Variants in RUVBL1 observed in about 807,000 individuals in gnomAD.
RUVBL1 encodes ruvB-like 1.
RUVBL1 carries 4 observed loss-of-function variants against 52.4 expected under a neutral mutation model. The observed-to-expected ratio is 0.08, with a 90% confidence interval of 0.04 to 0.17. RUVBL1 has a LOEUF of 0.17. RUVBL1 is among the 10% of genes least tolerant of loss of function. The pLI is 1.00. For missense variants in RUVBL1, 298 were observed against 572.8 expected (o/e 0.52, Z 4.90); for synonymous variants, 217 against 214.4 (o/e 1.01, Z -0.10).
chr3:128,150,922 A>G (rs1944191328), intron 1 of RUVBL1, among the ~76,000 whole-genome samples: 1 of 92,070 alleles, frequency 1.1e-5, no homozygotes, highest in African/African-American at 4.5e-5. Context: ...TCTATATTAT[A>G]TATATAATAT....
chr3:128,138,388 A>C (rs1943976239), intron 1 of RUVBL1, among the ~76,000 whole-genome samples: 1 of 152,192 alleles, frequency 6.6e-6, no homozygotes, highest in Admixed American at 6.5e-5. Context: ...GTCAACATGC[A>C]AAAATCAGTA....
intron 8 of RUVBL1, among the ~76,000 whole-genome samples, chr3:128,096,897 T>C (rs151166402): frequency 2.9e-4 from 44 of 152,216 alleles, no homozygotes; most frequent in African/African-American, 1.0e-3. Flanking sequence ...GTCTTTACGA[T>C]GAGGGACAAG....
intron 3 of RUVBL1, among the ~76,000 whole-genome samples, chr3:128,105,872 T>C (rs1199365067): frequency 2.4e-4 from 34 of 140,054 alleles, no homozygotes; most frequent in South Asian, 1.2e-3. Context: ...TTTCTTTTTT[T>C]TTTTTTTTTT....
chr3:128,150,952 T>TAATATATTC, intron 1 of RUVBL1, among the ~76,000 whole-genome samples: 1 of 92,170 alleles, frequency 1.1e-5, no homozygotes, highest in Non-Finnish European at 1.9e-5. Context: ...ATTATATATA[T>TAATATATTC]TATATATTCT....
At chr3:128,086,777 G>T (rs1436178402) in intron 9 of RUVBL1, among the ~76,000 whole-genome samples, 1 of 152,238 alleles carries the variant, frequency 6.6e-6, no homozygotes, top group African/African-American at 2.4e-5. Context: ...TCCTATGCTT[G>T]GCACATAGTT....
At chr3:128,068,022 G>A in intron 9 of RUVBL1, 1 of 1,613,848 alleles carries the variant, frequency 6.2e-7, no homozygotes, top group Non-Finnish European at 8.5e-7. Context: ...GGTGATGAGA[G>A]GCCACCGAGA....
At chr3:128,070,273 C>CTGTGGATTTGT in intron 9 of RUVBL1, 1 of 152,396 alleles carries the variant, frequency 6.6e-6, no homozygotes, top group Non-Finnish European at 1.5e-5. Flanking sequence ...AGAAGACACT[C>CTGTGGATTTGT]CTGGCCATCT....
chr3:128,085,419 A>T (rs1942615893), intron 9 of RUVBL1, among the ~76,000 whole-genome samples: 2 of 152,200 alleles, frequency 1.3e-5, no homozygotes, highest in African/African-American at 4.8e-5. Context: ...GTCCCGCAGT[A>T]AGAATGGGCC....
upstream of RUVBL1, among the ~76,000 whole-genome samples, chr3:128,125,472 C>G (rs996311827): frequency 2.6e-5 from 4 of 152,028 alleles, no homozygotes; most frequent in African/African-American, 9.7e-5. Context: ...GGGTGTAGAC[C>G]ACATTTGATT....
chr3:128,136,623 C>CAA (rs56097921), intron 1 of RUVBL1, among the ~76,000 whole-genome samples: 2,981 of 111,776 alleles, frequency 0.027, 112 homozygotes, highest in African/African-American at 0.072. Context: ...GAGACCCTGT[C>CAA]AAAAAAAAAA....
exon 1 of RUVBL1, chr3:128,153,404 A>G: frequency 4.2e-6 from 6 of 1,415,466 alleles, no homozygotes; most frequent in Non-Finnish European, 5.5e-6. Context: ...ACGGGTGTGC[A>G]CAGCGCGCCG....
chr3:128,120,437 T>C (rs1280910053), intron 1 of RUVBL1, among the ~76,000 whole-genome samples: 1 of 150,182 alleles, frequency 6.7e-6, no homozygotes, highest in African/African-American at 2.4e-5. Flanking sequence ...GCAGTACACA[T>C]GTGTGTATAT....
intron 1 of RUVBL1, among the ~76,000 whole-genome samples, chr3:128,150,761 AT>A (rs1280402061): frequency 2.7e-5 from 3 of 110,534 alleles, no homozygotes; most frequent in Non-Finnish European, 5.0e-5. Context: ...TTCTCTATAT[AT>A]TCTATATATT....
In RUVBL1 at chr3:128,067,766, A is replaced by G. The variant is rs1942028581; in HGVS notation, c.940-2546T>C. The G allele has an allele frequency of 1.5e-6, 1 of 682,374 alleles. No homozygotes were observed. The highest frequency in any genetic ancestry group is 2.5e-6 in the Non-Finnish European group (1 of 402,772). The allele number at this position is 682,374 out of a possible 1,614,324, so 42.3% of individuals were successfully genotyped here. ...GTTCAGAAGCTTTAAGGGCTGACAG[A>G]TGGAGTCCAGCAGTAGATCAGCTGT... On this transcript the variant is annotated intron_variant, in intron 9 of 9. Coordinates refer to the RUVBL1 transcript ENST00000464873. The surrounding 1 kb of genome is among the most constrained non-coding windows in gnomAD (Gnocchi z 4.1).
At chr3:128,088,335 GA>G (rs1195391852) in intron 8 of RUVBL1, among the ~76,000 whole-genome samples, 1 of 149,092 alleles carries the variant, frequency 6.7e-6, no homozygotes, top group Non-Finnish European at 1.5e-5. Context: ...TGGGAAGGAG[GA>G]AAAAAATAAC....
chr3:128,130,009 T>C (rs1943849863), intron 1 of RUVBL1, among the ~76,000 whole-genome samples: 1 of 152,202 alleles, frequency 6.6e-6, no homozygotes, highest in South Asian at 2.1e-4. Flanking sequence ...TAAAATGGTA[T>C]CGTTTATGCT....
chr3:128,089,538 T>C (rs1175144749), intron 8 of RUVBL1, among the ~76,000 whole-genome samples: 1 of 152,246 alleles, frequency 6.6e-6, no homozygotes, highest in African/African-American at 2.4e-5. Flanking sequence ...ATGCTAAAAA[T>C]TTAACTTTAG....
At chr3:128,151,226 CTA>C (rs539344394) in intron 1 of RUVBL1, among the ~76,000 whole-genome samples, 1,464 of 132,726 alleles carry the variant, frequency 0.011, 25 homozygotes, top group African/African-American at 0.039. Flanking sequence ...TGTATATATT[CTA>C]TATATATATA....
chr3:128,137,265 G>A (rs1420359370), intron 1 of RUVBL1, among the ~76,000 whole-genome samples: 1 of 151,972 alleles, frequency 6.6e-6, no homozygotes, highest in African/African-American at 2.4e-5. Context: ...TGAAGAGTTG[G>A]TTATTTGAAA....
Sources: gnomAD v4.1 joint callset for allele counts (sites outside exome capture counted in the v4.1 genomes callset) on GRCh38, gnomAD v4.1.1 for gene constraint, Gnocchi (gnomAD v3.1) non-coding constraint, MANE v1.5 for transcripts, NCBI Gene and HGNC (gene_info 2026-07-23, HGNC 2026-07-21) for gene names.